The following TMEM8B variants were observed in gnomAD, a reference collection of about 807,000 sequenced individuals.
TMEM8B encodes nasopharyngeal carcinoma expressed 6.
TMEM8B carries 29 observed loss-of-function variants against 49.3 expected under a neutral mutation model. The ratio of observed to expected loss-of-function variants is 0.59; its 90% confidence interval spans 0.44 to 0.80. The LOEUF is 0.80. Among genes scored for constraint, TMEM8B ranks in the 30% least tolerant of loss-of-function variants. The pLI is 0.00. For missense variants in TMEM8B, 575 were observed against 658.5 expected, an observed-to-expected ratio of 0.87 and a Z score of 1.39; for synonymous variants, 264 against 272.8, an observed-to-expected ratio of 0.97 and a Z score of 0.32.
chr9:35,848,377 A>G (rs946887449), intron 10 of TMEM8B, among the ~76,000 whole-genome samples: 22 of 152,182 alleles, frequency 1.4e-4, no homozygotes, highest in African/African-American at 5.3e-4. Context: ...CAAATCCTCC[A>G]GCAACAGCTG....
intron 1 of TMEM8B, among the ~76,000 whole-genome samples, chr9:35,833,651 C>T (rs1830138166): frequency 6.6e-6 from 1 of 152,150 alleles, no homozygotes; most frequent in Non-Finnish European, 1.5e-5. Flanking sequence ...TCCACTGGGT[C>T]ACTAACTCAC....
intron 1 of TMEM8B, among the ~76,000 whole-genome samples, chr9:35,831,067 G>A (rs558003811): frequency 5.9e-5 from 9 of 152,328 alleles, no homozygotes; most frequent in African/African-American, 2.2e-4. Flanking sequence ...ATGGGTATCA[G>A]TGAGCTCTGG....
Position 35,853,775 on chromosome 9 carries a change from G to A in TMEM8B, c.2710G>A (p.Glu904Lys), listed in dbSNP as rs372654052. The A allele has an allele frequency of 3.8e-6, 6 of 1,596,260 alleles. No homozygotes were observed. The highest frequency in any genetic ancestry group is 2.2e-5 in the East Asian group (1 of 44,748). ...CTGTGGTTACCAGCTATGCATCAAC[G>A]AGCAGGAGGAGCTGGGCCTCGTGGG... The part of the protein sequence containing the change: ...RGCGYQLCIN[E>K]QEELGLVGPG... Residue 904 changes from glutamate to lysine, a missense_variant, in exon 13 of 13, where the codon GAG (glutamate) becomes AAG (lysine). Coordinates refer to ENST00000643932, the MANE Select transcript of TMEM8B (RefSeq NM_001042590.4). The surrounding 1 kb of genome is among the most constrained non-coding windows in gnomAD (Gnocchi z 4.2).
In TMEM8B at chr9:35,846,473, G is replaced by A. The variant is rs991070844; in HGVS notation, c.1858G>A (p.Val620Met). ...RSLCGVGPRF[V>M]RCRNATAEVR... The stretch of plus-strand genomic sequence containing the variant: ...TGACTGCGAGTTTGTGCGCAGGTTC[G>A]TGCGGTGCCGCAACGCGACGGCCGA... The change falls in exon 9 of 13, where the codon GTG (valine) becomes ATG (methionine). Residue 620 changes from valine (V) to methionine (M), a missense_variant. Coordinates refer to ENST00000643932, the MANE Select transcript of TMEM8B (RefSeq NM_001042590.4). 2 of 1,599,736 alleles carry A rather than the reference G, an allele frequency of 1.3e-6. No homozygotes were observed. Among genetic ancestry groups the A allele is most frequent in the African/African-American group, 1.3e-5 (1 of 74,872 alleles).
intron 8 of TMEM8B, 33 bp from the exon 9 acceptor site, chr9:35,846,436 C>T (rs1408320747): frequency 6.3e-7 from 1 of 1,597,030 alleles, no homozygotes; most frequent in Non-Finnish European, 8.5e-7. Context: ...GGGGGTGGCC[C>T]GGGGCCCCAG....
At position 35,846,375 on chromosome 9, in the gene TMEM8B, G is replaced by T. The variant is rs1213420309; in HGVS notation, c.1847G>T (p.Gly616Val). 1.2e-6 allele frequency: 2 copies of T among 1,612,840 alleles called. No individual in the cohort carries two copies. The highest frequency in any genetic ancestry group is 1.7e-6 in the Non-Finnish European group (2 of 1,179,620). ...GCCCTCCGCTCCCTGTGCGGGGTGG[G>T]GCCTCGGTGAGCGGTGCGGGGCGGG... ...FLALRSLCGV[G>V]PRFVRCRNAT... The change falls in exon 8 of 13, where the codon GGG becomes GTG. Residue 616 changes from glycine (G) to valine (V), a missense_variant. Coordinates refer to ENST00000643932, the MANE Select transcript of TMEM8B (RefSeq NM_001042590.4).
chr9:35,859,289 C>T lies in TMEM8B; in HGVS notation c.*5449C>T, dbSNP rs1221993645. 5 of 159,728 alleles carry T rather than the reference C, an allele frequency of 3.1e-5. No individual in the cohort carries two copies. Among genetic ancestry groups the T allele is most frequent in the Admixed American group, 6.3e-5 (1 of 15,830 alleles). The allele number at this position is 159,728 out of a possible 1,614,324, so 9.9% of individuals were successfully genotyped here. On this transcript the variant is annotated 3_prime_UTR_variant, in exon 13 of 13. Transcript: ENST00000643932. ...CTGAGCAGGTGGAGAAGGCTTTGCA[C>T]CGGCCTGCAGCAGAGGGTACCCTAA...
chr9:35,845,953 C>A (rs768848120), intron 6 of TMEM8B, 22 bp from the exon 7 acceptor site: 95 of 1,613,436 alleles, frequency 5.9e-5, no homozygotes, highest in South Asian at 1.1e-5. Flanking sequence ...GGCGGCCTCA[C>A]TTCCATACCT....
At chr9:35,844,318 T>C (rs1831303728) in intron 6 of TMEM8B, among the ~76,000 whole-genome samples, 2 of 152,262 alleles carry the variant, frequency 1.3e-5, no homozygotes, top group African/African-American at 4.8e-5. Context: ...TCTTAGTCAT[T>C]ACTGTCAGCG....
chr9:35,831,537 G>A (rs528223747), intron 1 of TMEM8B, among the ~76,000 whole-genome samples: 2 of 152,348 alleles, frequency 1.3e-5, no homozygotes, highest in Non-Finnish European at 2.9e-5. Flanking sequence ...TGGCAAATTG[G>A]ACACTGGGCA....
chr9:35,837,447 T>G (rs1274848105), intron 3 of TMEM8B, among the ~76,000 whole-genome samples: 1 of 151,958 alleles, frequency 6.6e-6, no homozygotes, highest in East Asian at 1.9e-4. Flanking sequence ...GCATTCCAGG[T>G]GGTGGGAGTA....
Position 35,846,033 on chromosome 9 carries a change from T to C in TMEM8B, c.1694T>C (p.Leu565Ser). ...GGATGCTTGACTCACGAGGTGCCCT[T>C]GAGCCTGGGGGATGCAGCAGTGACC... ...VFGCLTHEVP[L>S]SLGDAAVTCS... Residue 565 changes from leucine to serine, a missense_variant, in exon 7 of 13, where the codon TTG becomes TCG. Leu to Ser is a moderately radical substitution (Grantham distance 145). Transcript: ENST00000643932. 3 of 1,612,392 alleles carry C rather than the reference T, an allele frequency of 1.9e-6. No individual in the cohort carries two copies. Among genetic ancestry groups the C allele is most frequent in the Non-Finnish European group, 2.5e-6 (3 of 1,179,798 alleles).
intron 8 of TMEM8B, 37 bp downstream of exon 8, chr9:35,846,418 G>A (rs1273195423): frequency 1.2e-6 from 2 of 1,601,936 alleles, no homozygotes; most frequent in Non-Finnish European, 1.7e-6. Context: ...CTGGGACCGG[G>A]ACTTGGCGGG....
rs1230312892 is a variant in TMEM8B at position 35,859,741 on chromosome 9, G to C, written c.*5901G>C. The C allele has an allele frequency of 6.5e-6, 1 of 154,548 alleles. No individual in the cohort carries two copies. Among genetic ancestry groups the C allele is most frequent in the Non-Finnish European group, 1.5e-5 (1 of 68,514 alleles). The allele number at this position is 154,548 out of a possible 1,614,324, so 9.6% of individuals were successfully genotyped here. A position where few individuals can be genotyped will look rare whatever the true frequency, so the allele number is the denominator to read the frequency against. ...CTCTGGGTTTCCAGGAAATTGTCTAGCATGAGAGGCACAAAGGAGGAGGTG... is the reference window on the plus strand; with the variant it reads ...CTCTGGGTTTCCAGGAAATTGTCTACCATGAGAGGCACAAAGGAGGAGGTG... On this transcript the variant is annotated 3_prime_UTR_variant, in exon 13 of 13. Coordinates refer to ENST00000643932, the MANE Select transcript of TMEM8B (RefSeq NM_001042590.4).
chr9:35,831,468 C>G (rs1200422159), intron 1 of TMEM8B, among the ~76,000 whole-genome samples: 2 of 152,184 alleles, frequency 1.3e-5, no homozygotes, highest in Non-Finnish European at 2.9e-5. Context: ...TCCATCCATC[C>G]CCAGCCAGTG....
rs1453311235 is a variant in TMEM8B at position 35,861,913 on chromosome 9, C to T, written c.*8073C>T. 1.3e-5 allele frequency: 2 copies of T among 152,196 alleles called. No individual in the cohort carries two copies. Among genetic ancestry groups the T allele is most frequent in the African/African-American group, 4.8e-5 (2 of 41,426 alleles). The allele number at this position is 152,196 out of a possible 1,614,324, so 9.4% of individuals were successfully genotyped here. ...TTTCTCCAGAGCCTGTGCAGGATTTCCTTCCTCTACCCTGAATCAGGGTGA... is the reference window on the plus strand; with the variant it reads ...TTTCTCCAGAGCCTGTGCAGGATTTTCTTCCTCTACCCTGAATCAGGGTGA... On this transcript the variant is annotated 3_prime_UTR_variant, in exon 13 of 13. Transcript: ENST00000643932.
rs543140770 is a variant in TMEM8B at position 35,861,307 on chromosome 9, C to A, written c.*7467C>A. ...CTTTTCCCAGCTCCGCACCTTTGTC[C>A]GAGATGGAGGCGTGTCCTCCCGCCC... On this transcript the variant is annotated 3_prime_UTR_variant, in exon 13 of 13. Coordinates refer to ENST00000643932, the MANE Select transcript of TMEM8B (RefSeq NM_001042590.4). 7.9e-5 allele frequency: 12 copies of A among 152,422 alleles called. No individual in the cohort carries two copies. Among genetic ancestry groups the A allele is most frequent in the African/African-American group, 2.9e-4 (12 of 41,556 alleles). The allele number at this position is 152,422 out of a possible 1,614,324, so 9.4% of individuals were successfully genotyped here.
Position 35,852,951 on chromosome 9 carries a change from G to A in TMEM8B, c.2300G>A (p.Arg767His), listed in dbSNP as rs766066059. The change falls in exon 11 of 13, where the codon CGT (arginine) becomes CAT (histidine). Residue 767 changes from arginine (R) to histidine (H), a missense_variant. Transcript: ENST00000643932. ...SVWVTVIAMA[R>H]LQPVVKQVLY... ...TGGGTCACTGTCATTGCCATGGCTC[G>A]TTTACAGCCCGTGGTCAAGCAGGTC... 4.4e-5 allele frequency: 71 copies of A among 1,614,034 alleles called. 1 individual carries two copies. In the South Asian group the frequency reaches 6.4e-4, roughly 14 times the overall value.
At position 35,853,774 on chromosome 9, in the gene TMEM8B, C is replaced by A; in HGVS notation, c.2709C>A (p.Asn903Lys). Residue 903 changes from asparagine to lysine, a missense_variant, in exon 13 of 13, where the codon AAC becomes AAA. Transcript: ENST00000643932. The surrounding 1 kb of genome is among the most constrained non-coding windows in gnomAD (Gnocchi z 4.2). ...ARGCGYQLCI[N>K]EQEELGLVGP... ...GCTGTGGTTACCAGCTATGCATCAA[C>A]GAGCAGGAGGAGCTGGGCCTCGTGG... 1 of 1,598,962 alleles carries A rather than the reference C, an allele frequency of 6.3e-7. No individual in the cohort carries two copies. Among genetic ancestry groups the A allele is most frequent in the Non-Finnish European group, 8.5e-7 (1 of 1,171,404 alleles).
Sources: gnomAD v4.1 joint callset for allele counts (sites outside exome capture counted in the v4.1 genomes callset) on GRCh38, gnomAD v4.1.1 for gene constraint, Gnocchi (gnomAD v3.1) non-coding constraint, MANE v1.5 for transcripts, NCBI Gene and HGNC (gene_info 2026-07-23, HGNC 2026-07-21) for gene names.